Variants in HS6ST3 observed in about 807,000 individuals in gnomAD.
The protein encoded by HS6ST3 is heparan sulfate 6-O-sulfotransferase 3.
A neutral mutation model predicts 36.7 loss-of-function variants in HS6ST3; 12 were observed. The ratio of observed to expected loss-of-function variants is 0.33; its 90% confidence interval spans 0.21 to 0.53. The LOEUF is 0.53. Ranked by LOEUF, HS6ST3 falls within the 20% of genes least tolerant of loss-of-function variation. The pLI is 0.95. For synonymous variants in HS6ST3, 240 were observed against 257.5 expected (o/e 0.93, Z 0.65); for missense variants, 584 against 640.9 (o/e 0.91, Z 0.96).
At chr13:96,550,616 C>T (rs775312898) in intron 1 of HS6ST3, among the ~76,000 whole-genome samples, 84 of 152,120 alleles carry the variant, frequency 5.5e-4, no homozygotes, top group Admixed American at 3.8e-3. Context: ...TGGATTTCTG[C>T]AGCAGACTCC....
intron 1 of HS6ST3, among the ~76,000 whole-genome samples, chr13:96,356,485 A>C (rs1042819532): frequency 1.3e-5 from 2 of 152,168 alleles, no homozygotes; most frequent in Non-Finnish European, 2.9e-5. Context: ...AGCAGCATGA[A>C]AACAACATTA....
chr13:96,686,981 A>C (rs1336930484), intron 1 of HS6ST3, among the ~76,000 whole-genome samples: 1 of 151,988 alleles, frequency 6.6e-6, no homozygotes, highest in Non-Finnish European at 1.5e-5. Flanking sequence ...ATAAAAGCAC[A>C]ATTTAATTTA....
intron 1 of HS6ST3, among the ~76,000 whole-genome samples, chr13:96,157,500 G>A (rs773972683): frequency 2.6e-5 from 4 of 152,166 alleles, no homozygotes; most frequent in Non-Finnish European, 5.9e-5. Context: ...AAGCAATGAA[G>A]TATTTGCTCA....
At chr13:96,600,398 A>C (rs1459702798) in intron 1 of HS6ST3, among the ~76,000 whole-genome samples, 3 of 151,724 alleles carry the variant, frequency 2.0e-5, no homozygotes, top group African/African-American at 7.3e-5. Context: ...TTCTTGTTGA[A>C]TTGATCCTTT....
At chr13:96,698,276 A>G (rs1875186389) in intron 1 of HS6ST3, among the ~76,000 whole-genome samples, 1 of 151,960 alleles carries the variant, frequency 6.6e-6, no homozygotes, top group South Asian at 2.1e-4. Flanking sequence ...ATTCCCACCT[A>G]CGAGTGAGAG....
At chr13:96,257,622 T>A (rs2054643339) in intron 1 of HS6ST3, among the ~76,000 whole-genome samples, 1 of 152,202 alleles carries the variant, frequency 6.6e-6, no homozygotes, top group Non-Finnish European at 1.5e-5. Context: ...AATTAACATT[T>A]TTAAAATGCT....
intron 1 of HS6ST3, among the ~76,000 whole-genome samples, chr13:96,432,494 G>T (rs1008229028): frequency 5.3e-5 from 8 of 152,176 alleles, no homozygotes; most frequent in Admixed American, 3.3e-4. Context: ...TGGCCAAAAG[G>T]GGTCCCATAT....
At chr13:96,520,321 C>G (rs1279388513) in intron 1 of HS6ST3, among the ~76,000 whole-genome samples, 3 of 101,132 alleles carry the variant, frequency 3.0e-5, no homozygotes, top group Non-Finnish European at 7.0e-5. Flanking sequence ...CTGCCCAGGA[C>G]TGCCTTGGCT....
At chr13:96,248,664 A>C (rs1013231948) in intron 1 of HS6ST3, among the ~76,000 whole-genome samples, 1 of 152,202 alleles carries the variant, frequency 6.6e-6, no homozygotes, top group Non-Finnish European at 1.5e-5. Flanking sequence ...GCAGGTGTTT[A>C]CAGTGATTTT....
chr13:96,530,012 T>TTCA (rs779293795), intron 1 of HS6ST3, among the ~76,000 whole-genome samples: 7 of 152,186 alleles, frequency 4.6e-5, no homozygotes, highest in Non-Finnish European at 8.8e-5. Flanking sequence ...GGGGCTGATC[T>TTCA]TCAAGTTCTA....
Position 96,557,928 on chromosome 13 carries a change from G to T in HS6ST3, c.708-274562G>T, listed in dbSNP as rs187107534. ...TCTCTGTCCCTCAATTTACTCTTCT[G>T]TAAGATGACAATAACAATAATAGCT... is the stretch of plus-strand genomic sequence containing the variant. On this transcript the variant is annotated intron_variant, in intron 1 of 1. Transcript: ENST00000376705. Among the ~76,000 whole-genome samples, 42 of 152,228 alleles carry T rather than the reference G, an allele frequency of 2.8e-4. 2 individuals are homozygous for T. The highest frequency in any genetic ancestry group is 9.6e-4 in the African/African-American group (40 of 41,550).
At chr13:96,672,399 A>G (rs2056685566) in intron 1 of HS6ST3, among the ~76,000 whole-genome samples, 1 of 151,880 alleles carries the variant, frequency 6.6e-6, no homozygotes, top group African/African-American at 2.4e-5. Flanking sequence ...AATATTTCAA[A>G]CTCCTGTCAG....
chr13:96,578,192 A>C (rs1204588217), intron 1 of HS6ST3, among the ~76,000 whole-genome samples: 1 of 152,218 alleles, frequency 6.6e-6, no homozygotes, highest in Non-Finnish European at 1.5e-5. Flanking sequence ...AGGACTCAGG[A>C]GTAAACCAAG....
chr13:96,585,311 A>G (rs2056356816), intron 1 of HS6ST3, among the ~76,000 whole-genome samples: 1 of 152,204 alleles, frequency 6.6e-6, no homozygotes, highest in Admixed American at 6.5e-5. Flanking sequence ...TACGAAGTTC[A>G]CAAATCATAA....
At chr13:96,104,247 T>C (rs145675423) in intron 1 of HS6ST3, among the ~76,000 whole-genome samples, 1 of 152,320 alleles carries the variant, frequency 6.6e-6, no homozygotes, top group Admixed American at 6.5e-5. Flanking sequence ...GAATCTAAAG[T>C]TTGCATTGCA....
chr13:96,186,092 G>C (rs763553842), intron 1 of HS6ST3, among the ~76,000 whole-genome samples: 1 of 152,118 alleles, frequency 6.6e-6, no homozygotes, highest in Non-Finnish European at 1.5e-5. Flanking sequence ...GTGTATATGC[G>C]TGTATATGTA....
chr13:96,344,700 A>G (rs942549462), intron 1 of HS6ST3, among the ~76,000 whole-genome samples: 2 of 152,090 alleles, frequency 1.3e-5, no homozygotes, highest in Admixed American at 1.3e-4. Flanking sequence ...TTTGTATTTC[A>G]CTTCCTTCAT....
At chr13:96,268,609 T>A (rs1341686515) in intron 1 of HS6ST3, among the ~76,000 whole-genome samples, 1 of 151,972 alleles carries the variant, frequency 6.6e-6, no homozygotes, top group Non-Finnish European at 1.5e-5. Flanking sequence ...TATCACATTT[T>A]TGGTTTGAGA....
rs184406538 is a variant in HS6ST3 at position 96,717,287 on chromosome 13, G to T, written c.708-115203G>T. On this transcript the variant is annotated intron_variant, in intron 1 of 1. Transcript: ENST00000376705. ...AAATCTCCTACAATGCATTCCAGTG[G>T]GTGAGTGTTTAGGTAGGCAGATGGG... 3.2e-4 allele frequency among the ~76,000 whole-genome samples: 49 copies of T among 152,258 alleles called. No individual in the cohort carries two copies. The East Asian group carries it at 6.0e-3, about 19-fold the overall frequency.
Sources: gnomAD v4.1 joint callset for allele counts (sites outside exome capture counted in the v4.1 genomes callset) on GRCh38, gnomAD v4.1.1 for gene constraint, MANE v1.5 for transcripts, NCBI Gene and HGNC (gene_info 2026-07-23, HGNC 2026-07-21) for gene names.